WIPF1: variants seen among roughly 807,000 people sequenced by gnomAD.
The protein encoded by WIPF1 is WAS/WASL interacting protein family member 1.
WIPF1 carries 13 observed loss-of-function variants against 35.4 expected under a neutral mutation model. The observed-to-expected ratio is 0.37, with a 90% CI of 0.24 to 0.58. The LOEUF is 0.58. Among genes scored for constraint, WIPF1 ranks in the 20% least tolerant of loss-of-function variants. WIPF1 has a pLI of 0.74. For missense variants in WIPF1, 591 were observed against 667.0 expected, an observed-to-expected ratio of 0.89 and a Z score of 1.25; for synonymous variants, 267 against 266.3, an observed-to-expected ratio of 1.00 and a Z score of -0.02.
intron 1 of WIPF1, chr2:174,623,548 A>G (rs1337721508): frequency 3.3e-5 from 5 of 152,240 alleles, no homozygotes; most frequent in Non-Finnish European, 7.3e-5. Flanking sequence ...CTCCTAAGAA[A>G]GAAGCCACCG....
chr2:174,677,792 G>C (rs543713483), intron 1 of WIPF1, among the ~76,000 whole-genome samples: 109 of 152,288 alleles, frequency 7.2e-4, no homozygotes, highest in Non-Finnish European at 1.1e-3. Context: ...AGGAGGAATG[G>C]CAATGCAACA....
At chr2:174,671,325 TCTTTA>T (rs996072879) in intron 1 of WIPF1, among the ~76,000 whole-genome samples, 27 of 152,244 alleles carry the variant, frequency 1.8e-4, no homozygotes, top group Admixed American at 3.3e-4. Context: ...CCTATGCCTG[TCTTTA>T]CTTTAATCTC....
intron 1 of WIPF1, among the ~76,000 whole-genome samples, chr2:174,594,869 G>C (rs997189456): frequency 5.9e-5 from 9 of 151,708 alleles, no homozygotes; most frequent in South Asian, 2.1e-4. Flanking sequence ...ACTTGAGATT[G>C]TTAGTTTTAA....
chr2:174,620,681 TA>T (rs1686646136), intron 1 of WIPF1, among the ~76,000 whole-genome samples: 1 of 152,090 alleles, frequency 6.6e-6, no homozygotes, highest in Non-Finnish European at 1.5e-5. Context: ...GGGGGCAGAG[TA>T]CCAAGGTAAG....
intron 1 of WIPF1, among the ~76,000 whole-genome samples, chr2:174,604,387 C>T (rs1574828680): frequency 1.3e-5 from 2 of 152,112 alleles, no homozygotes; most frequent in Admixed American, 6.5e-5. Flanking sequence ...TATGTATATG[C>T]GCAATGCTTA....
chr2:174,560,097 A>G lies in WIPF1; in HGVS notation c.*2450T>C, dbSNP rs2358888. Reference sequence around the variant, plus strand: ...GAATACATTTATCTGAAAATGTTATAAAAAAACACACATGTAAGCTCTGAT... The same window carrying G: ...GAATACATTTATCTGAAAATGTTATGAAAAAACACACATGTAAGCTCTGAT... On this transcript the variant is annotated 3_prime_UTR_variant, in exon 8 of 8. Transcript: ENST00000679041. The G allele has an allele frequency of 6.6e-6, 1 of 152,618 alleles. No homozygotes were observed. Among genetic ancestry groups the G allele is most frequent in the Admixed American group, 6.5e-5 (1 of 15,288 alleles). The allele number at this position is 152,618 out of a possible 1,614,324, so 9.5% of individuals were successfully genotyped here.
chr2:174,655,739 GT>G, intron 1 of WIPF1: 1 of 152,584 alleles, frequency 6.6e-6, no homozygotes, highest in Non-Finnish European at 1.5e-5. Context: ...ACACCCAACA[GT>G]TTTTCCAGCC....
chr2:174,591,387 TATCC>T (rs1685601910), intron 1 of WIPF1, among the ~76,000 whole-genome samples: 2 of 152,232 alleles, frequency 1.3e-5, no homozygotes, highest in African/African-American at 4.8e-5. Context: ...TTGAATAAAC[TATCC>T]ATCAACTGAT....
intron 1 of WIPF1, among the ~76,000 whole-genome samples, chr2:174,659,458 C>G (rs1687711838): frequency 6.6e-6 from 1 of 152,168 alleles, no homozygotes; most frequent in Non-Finnish European, 1.5e-5. Context: ...AAAAATCTAC[C>G]TCTAGGGTTT....
Position 174,562,560 on chromosome 2 carries a change from G to T in WIPF1, c.1499C>A (p.Pro500His), listed in dbSNP as rs778194847. 1 of 1,614,204 alleles carries T rather than the reference G, an allele frequency of 6.2e-7. No homozygotes were observed. The highest frequency in any genetic ancestry group is 1.7e-5 in the Admixed American group (1 of 60,028). Reference protein sequence around the residue: ...RRERGAPPLPPIPR With the variant: ...RRERGAPPLPHIPR ...AGCAGGCAAAGATCACCTCGGGATG[G>T]GAGGGAGTGGTGGAGCACCCCTTTC... The change falls in exon 8 of 8, where the codon CCC becomes CAC. Residue 500 changes from proline to histidine, a missense_variant. Coordinates refer to ENST00000679041, the MANE Select transcript of WIPF1 (RefSeq NM_001375834.1).
intron 3 of WIPF1, among the ~76,000 whole-genome samples, chr2:174,579,119 G>A (rs1218925935): frequency 6.6e-6 from 1 of 152,156 alleles, no homozygotes; most frequent in Non-Finnish European, 1.5e-5. Flanking sequence ...CTGGGTTCAA[G>A]CGATTCTCCT....
At chr2:174,664,339 C>A (rs1159871721) in intron 1 of WIPF1, among the ~76,000 whole-genome samples, 3 of 152,160 alleles carry the variant, frequency 2.0e-5, no homozygotes, top group African/African-American at 7.2e-5. Context: ...GTCTCCAGGG[C>A]CCCAAGACCA....
At chr2:174,675,940 T>C (rs1688120143) in intron 1 of WIPF1, among the ~76,000 whole-genome samples, 1 of 150,352 alleles carries the variant, frequency 6.7e-6, no homozygotes, top group Non-Finnish European at 1.5e-5. Flanking sequence ...TTTTTTGCTT[T>C]CATTTTATTT....
intron 1 of WIPF1, among the ~76,000 whole-genome samples, chr2:174,626,722 G>C (rs751088379): frequency 1.3e-5 from 2 of 152,100 alleles, no homozygotes; most frequent in Non-Finnish European, 2.9e-5. Context: ...AAAATAACCA[G>C]ACTCTAATTA....
intron 1 of WIPF1, among the ~76,000 whole-genome samples, chr2:174,632,632 T>G (rs1211370867): frequency 7.1e-6 from 1 of 141,356 alleles, no homozygotes; most frequent in Non-Finnish European, 1.5e-5. Flanking sequence ...TTGCTTGAAC[T>G]CAGAAGGCAG....
chr2:174,638,688 T>C (rs775939877), intron 1 of WIPF1, among the ~76,000 whole-genome samples: 1 of 152,230 alleles, frequency 6.6e-6, no homozygotes, highest in Non-Finnish European at 1.5e-5. Context: ...CTTAATACGA[T>C]GTCCTCCAGG....
intron 4 of WIPF1, chr2:174,574,821 TTACTC>T (rs1229348378): frequency 4.2e-6 from 3 of 707,744 alleles, no homozygotes; most frequent in African/African-American, 1.8e-5. Context: ...TCACAAGTAT[TTACTC>T]TACTAGACAG....
At chr2:174,618,036 T>C (rs1196915029) in intron 1 of WIPF1, among the ~76,000 whole-genome samples, 1 of 152,224 alleles carries the variant, frequency 6.6e-6, no homozygotes, top group African/African-American at 2.4e-5. Context: ...GTATGCTAGG[T>C]GGGAAATGAC....
At chr2:174,627,530 C>CTCTCTTTCTT (rs1415376871) in intron 1 of WIPF1, among the ~76,000 whole-genome samples, 5 of 146,694 alleles carry the variant, frequency 3.4e-5, no homozygotes, top group Non-Finnish European at 6.0e-5. Context: ...CTCCCTCCTT[C>CTCTCTTTCTT]TCTCTTTCTT....
Sources: allele counts gnomAD v4.1 joint callset (sites outside exome capture counted in the v4.1 genomes callset), GRCh38; gene constraint gnomAD v4.1.1; transcripts MANE v1.5; gene names NCBI Gene and HGNC (gene_info 2026-07-23, HGNC 2026-07-21).